The following ARHGAP39 variants were observed in gnomAD, a reference collection of about 807,000 sequenced individuals.
The protein encoded by ARHGAP39 is Rho GTPase activating protein 39, also known as rho GTPase-activating protein 39.
A neutral mutation model predicts 106.9 loss-of-function variants in ARHGAP39; 44 were observed. The ratio of observed to expected loss-of-function variants is 0.41; its 90% CI spans 0.32 to 0.53. The LOEUF is 0.53. ARHGAP39 is among the 20% of genes least tolerant of loss of function. The probability of loss-of-function intolerance (pLI) is 0.21; values close to 1 mark genes in which losing one functional copy is unlikely to be tolerated. For missense variants in ARHGAP39, 1,496 were observed against 1,577.3 expected, an observed-to-expected ratio of 0.95 and a Z score of 0.87; for synonymous variants, 768 against 693.2, an observed-to-expected ratio of 1.11 and a Z score of -1.69.
At chr8:144,583,934 T>C (rs1819092943) in intron 2 of ARHGAP39, 1 of 152,268 alleles carries the variant, frequency 6.6e-6, no homozygotes, top group African/African-American at 2.4e-5. Context: ...ATCTGCACTC[T>C]TATATTGGCC....
At chr8:144,577,008 C>CT (rs1818801853) in intron 3 of ARHGAP39, among the ~76,000 whole-genome samples, 1 of 152,192 alleles carries the variant, frequency 6.6e-6, no homozygotes, top group African/African-American at 2.4e-5. Context: ...CTGCAGTCAC[C>CT]TTTCCACGGA....
At chr8:144,653,278 G>T (rs908830631) in intron 1 of ARHGAP39, among the ~76,000 whole-genome samples, 3 of 152,134 alleles carry the variant, frequency 2.0e-5, no homozygotes, top group African/African-American at 7.2e-5. Context: ...TACAGCCTGG[G>T]CAACAAGAGT....
chr8:144,557,227 G>A (rs2954339), intron 3 of ARHGAP39, among the ~76,000 whole-genome samples: 102 of 41,172 alleles, frequency 2.5e-3, no homozygotes, highest in Middle Eastern at 0.025. Context: ...CTGAACCTTC[G>A]TAGTATTCAG....
At chr8:144,607,235 CAAAAAAAAAA>C (rs1167793437) in intron 1 of ARHGAP39, among the ~76,000 whole-genome samples, 1 of 50,696 alleles carries the variant, frequency 2.0e-5, no homozygotes, top group Non-Finnish European at 4.4e-5. Flanking sequence ...GACATTGTCT[CAAAAAAAAAA>C]AAAAAAAAAA....
intron 7 of ARHGAP39, 89 bp downstream of exon 7, chr8:144,537,632 G>T (rs1387438146): frequency 9.3e-6 from 9 of 971,340 alleles, no homozygotes; most frequent in African/African-American, 1.7e-5. Flanking sequence ...CCGCCCAGAA[G>T]CGGTTAGAGA....
At chr8:144,581,707 G>T (rs1818999112) in intron 2 of ARHGAP39, among the ~76,000 whole-genome samples, 1 of 152,190 alleles carries the variant, frequency 6.6e-6, no homozygotes, top group South Asian at 2.1e-4. Flanking sequence ...GGGTCTGGAG[G>T]GGCCTCAGGC....
chr8:144,531,235 AAGGGCAC>A (rs11276716), intron 10 of ARHGAP39, among the ~76,000 whole-genome samples: 33,686 of 84,938 alleles, frequency 0.4, 5,291 homozygotes, highest in African/African-American at 0.56. Flanking sequence ...GGCACGGCAG[AAGGGCAC>A]AGGGCAGCGA....
At position 144,581,208 on chromosome 8, in the gene ARHGAP39, C is replaced by G. The variant is rs1264794314; in HGVS notation, c.150G>C (p.Glu50Asp). Residue 50 changes from glutamate to aspartate, a missense_variant, in exon 3 of 12, where the codon GAG becomes GAC. By Grantham distance (45) the Glu-to-Asp change is conservative. Transcript: ENST00000377307. ...CGCCGGCCGGCGGGTCCCACACGCA[C>G]TCACCGGTGACCAGGTTGGCGTACA... The part of the protein sequence containing the change: ...ERMYANLVTG[E>D]CVWDPPAGVR... 1 of 1,556,972 alleles carries G rather than the reference C, an allele frequency of 6.4e-7. No individual in the cohort carries two copies. Among genetic ancestry groups the G allele is most frequent in the Non-Finnish European group, 8.7e-7 (1 of 1,151,006 alleles).
At chr8:144,651,688 TAG>T (rs766459111) in intron 1 of ARHGAP39, among the ~76,000 whole-genome samples, 1 of 151,756 alleles carries the variant, frequency 6.6e-6, no homozygotes, top group Non-Finnish European at 1.5e-5. Context: ...GCCTGGATGA[TAG>T]AGAGACTCTG....
At position 144,532,307 on chromosome 8, in the gene ARHGAP39, G is replaced by C; in HGVS notation, c.2978C>G (p.Pro993Arg). The C allele has an allele frequency of 6.2e-7, 1 of 1,612,704 alleles. No homozygotes were observed. The highest frequency in any genetic ancestry group is 2.2e-5 in the East Asian group (1 of 44,880). The change falls in exon 10 of 12, where the codon CCT becomes CGT. Residue 993 changes from proline (P) to arginine (R), a missense_variant and splice_region_variant. By Grantham distance (103) the Pro-to-Arg change is moderately radical (BLOSUM62 -2). Transcript: ENST00000377307. ...TGCAGCGTGTGTGGGGGACTCACCA[G>C]GGACGTGGGGGTCTTCCAGGCCTGT... ...VPTGLEDPHV[P>R]ASLLKLWYRE...
In ARHGAP39 at chr8:144,684,448, A is replaced by G. The variant is rs1192965210; in HGVS notation, c.-82+1238T>C. 6.6e-6 allele frequency among the ~76,000 whole-genome samples: 1 copy of G among 152,192 alleles called. No individual in the cohort carries two copies. Among genetic ancestry groups the G allele is most frequent in the Non-Finnish European group, 1.5e-5 (1 of 68,036 alleles). ...CAAATCTCCGTATTGTTGTACCAGG[A>G]GGCACGAGAAGCCTCACCACTGTAG... On this transcript the variant is annotated intron_variant, in intron 1 of 11. Transcript: ENST00000377307. This position sits in a 1 kb window ranked among gnomAD's most constrained non-coding sequence, Gnocchi z 4.4.
At position 144,670,153 on chromosome 8, in the gene ARHGAP39, G is replaced by A. The variant is rs535053076; in HGVS notation, c.-82+15533C>T. ...TCGGATGCATGCTAGAGCGTACCGG[G>A]AAGCAGGATCAGGGCCTGGGACCAG... is the stretch of plus-strand genomic sequence containing the variant. On this transcript the variant is annotated intron_variant, in intron 1 of 11. Transcript: ENST00000377307. The surrounding 1 kb of genome is among the most constrained non-coding windows in gnomAD (Gnocchi z 4.4). Among the ~76,000 whole-genome samples the A allele has an allele frequency of 6.6e-6, 1 of 152,344 alleles. No individual in the cohort carries two copies. Among genetic ancestry groups the A allele is most frequent in the South Asian group, 2.1e-4 (1 of 4,816 alleles).
At chr8:144,685,324 G>A (rs941731764) in intron 1 of ARHGAP39, among the ~76,000 whole-genome samples, 4 of 151,192 alleles carry the variant, frequency 2.6e-5, no homozygotes, top group Non-Finnish European at 5.9e-5. Context: ...CCCACCTAGG[G>A]CAGGGACACA....
chr8:144,682,688 C>A (rs561943545), intron 1 of ARHGAP39, among the ~76,000 whole-genome samples: 1 of 152,154 alleles, frequency 6.6e-6, no homozygotes, highest in East Asian at 1.9e-4. Flanking sequence ...ATCACCGTTT[C>A]TGTTGCAAGG....
chr8:144,654,780 G>C (rs1357641284), intron 1 of ARHGAP39, among the ~76,000 whole-genome samples: 1 of 152,062 alleles, frequency 6.6e-6, no homozygotes, highest in Non-Finnish European at 1.5e-5. Flanking sequence ...TGGTGCTGCA[G>C]CCACCCAAGT....
At chr8:144,610,539 A>G (rs1820453084) in intron 1 of ARHGAP39, among the ~76,000 whole-genome samples, 3 of 151,494 alleles carry the variant, frequency 2.0e-5, no homozygotes, top group Admixed American at 2.0e-4. Context: ...GTGAAACCCC[A>G]TCTCTACTAA....
chr8:144,557,891 C>G (rs749270443), intron 3 of ARHGAP39, among the ~76,000 whole-genome samples: 1 of 151,926 alleles, frequency 6.6e-6, no homozygotes, highest in Non-Finnish European at 1.5e-5. Flanking sequence ...TGCAACTGGA[C>G]AAGAAAAAAA....
At position 144,548,084 on chromosome 8, in the gene ARHGAP39, G is replaced by C; in HGVS notation, c.1002C>G (p.Phe334Leu). The C allele has an allele frequency of 1.3e-6, 2 of 1,594,828 alleles. No individual in the cohort carries two copies. The change falls in exon 5 of 12, where the codon TTC becomes TTG. Residue 334 changes from phenylalanine (F) to leucine (L), a missense_variant. Phe to Leu is a conservative substitution (Grantham distance 22). Around this residue, in one of 4 missense-constraint regions of ARHGAP39, gnomAD observed 905 missense variants for 816.4 expected, o/e 1.11. Coordinates refer to ENST00000377307, the MANE Select transcript of ARHGAP39 (RefSeq NM_025251.3). This position sits in a 1 kb window ranked among gnomAD's most constrained non-coding sequence, Gnocchi z 7.4. Reference protein sequence around the residue: ...IYDEPPMDVQFEAGGGYQAGS... With the variant: ...IYDEPPMDVQLEAGGGYQAGS... ...CGGCCTGGTAGCCCCCGCCAGCCTC[G>C]AATTGCACGTCCATGGGGGGCTCAT... is the stretch of plus-strand genomic sequence containing the variant.
chr8:144,617,364 C>G (rs1421336682), intron 1 of ARHGAP39, among the ~76,000 whole-genome samples: 1 of 152,160 alleles, frequency 6.6e-6, no homozygotes, highest in Non-Finnish European at 1.5e-5. Flanking sequence ...GCAGCACCAG[C>G]AAGAGCCAGG....
Sources: allele counts gnomAD v4.1 joint callset (sites outside exome capture counted in the v4.1 genomes callset), GRCh38; gene constraint gnomAD v4.1.1; regional missense constraint gnomAD v4.1.1; non-coding constraint Gnocchi (gnomAD v3.1); transcripts MANE v1.5; gene names NCBI Gene and HGNC (gene_info 2026-07-23, HGNC 2026-07-21).